Variants in ST6GALNAC3 observed in about 807,000 individuals in gnomAD.
ST6GALNAC3 encodes alpha-N-acetylgalactosaminide alpha-2,6-sialyltransferase 3.
A neutral mutation model predicts 32.7 loss-of-function variants in ST6GALNAC3; 25 were observed. That is an observed-to-expected ratio of 0.76 (90% CI 0.56 to 1.07). The LOEUF is 1.07. Ranked by LOEUF, ST6GALNAC3 falls within the 50% of genes least tolerant of loss-of-function variation. The pLI is 0.00. For synonymous variants in ST6GALNAC3, 129 were observed against 133.1 expected (o/e 0.97, Z 0.21); for missense variants, 355 against 382.4 (o/e 0.93, Z 0.60).
intron 2 of ST6GALNAC3, among the ~76,000 whole-genome samples, chr1:76,338,992 A>G (rs1424149986): frequency 6.6e-6 from 1 of 151,948 alleles, no homozygotes; most frequent in Non-Finnish European, 1.5e-5. Context: ...AACACTGTCA[A>G]TTGGTCGCCA....
chr1:76,428,939 T>G (rs1200920381), intron 3 of ST6GALNAC3, among the ~76,000 whole-genome samples: 1 of 152,140 alleles, frequency 6.6e-6, no homozygotes, highest in African/African-American at 2.4e-5. Context: ...AATGTAACCA[T>G]CAGTCCTATG....
chr1:76,573,987 A>C (rs1032794064), intron 3 of ST6GALNAC3, among the ~76,000 whole-genome samples: 6 of 152,182 alleles, frequency 3.9e-5, no homozygotes, highest in Non-Finnish European at 7.4e-5. Context: ...AAATTCAATA[A>C]ATATTCATTG....
At chr1:76,129,959 C>T (rs877017) in intron 1 of ST6GALNAC3, among the ~76,000 whole-genome samples, 1,581 of 152,192 alleles carry the variant, frequency 0.01, 30 homozygotes, top group African/African-American at 0.037. Context: ...GCATTCTTGG[C>T]TTCTGTGTCT....
In ST6GALNAC3 at chr1:76,634,054, CA is replaced by C. The variant is rs1274982150; in HGVS notation, c.*5249del. ...ATTTAGTTTTTTTCTTTTTTTTTTT[CA>C]GTTAACTACTTGTTTGTTTCTTTTC... On this transcript the variant is annotated 3_prime_UTR_variant, in exon 5 of 5. Transcript: ENST00000328299. 1 of 493,880 alleles carries C rather than the reference CA, an allele frequency of 2.0e-6. No individual in the cohort carries two copies. The highest frequency in any genetic ancestry group is 2.1e-5 in the African/African-American group (1 of 46,650). 30.6% of individuals were successfully genotyped at this position (493,880 alleles called of 1,614,324 possible). A position where few individuals can be genotyped will look rare whatever the true frequency, so the allele number is the denominator to read the frequency against.
chr1:76,077,674 C>T (rs187338161), intron 1 of ST6GALNAC3, among the ~76,000 whole-genome samples: 18 of 152,276 alleles, frequency 1.2e-4, no homozygotes, highest in African/African-American at 4.1e-4. Context: ...TTGGTGTTGA[C>T]TCTCCATCTT....
At position 76,391,115 on chromosome 1, in the gene ST6GALNAC3, T is replaced by C. The variant is rs539499445; in HGVS notation, c.214-20893T>C. On this transcript the variant is annotated intron_variant, in intron 2 of 4. Transcript: ENST00000328299. ...CCACCACGCAAGGCTAATGTTTTTG[T>C]ATTTTTAGTAGAGATGGAGTTTCAC... 4.9e-4 allele frequency among the ~76,000 whole-genome samples: 75 copies of C among 151,816 alleles called. 1 individual carries two copies. The highest frequency in any genetic ancestry group is 9.2e-4 in the Admixed American group (14 of 15,234).
At chr1:76,115,393 G>T (rs192425251) in intron 1 of ST6GALNAC3, among the ~76,000 whole-genome samples, 1 of 152,276 alleles carries the variant, frequency 6.6e-6, no homozygotes, top group African/African-American at 2.4e-5. Context: ...AGAAGGGAAA[G>T]AATTTAAATT....
intron 1 of ST6GALNAC3, among the ~76,000 whole-genome samples, chr1:76,102,413 T>G (rs1249006361): frequency 1.3e-5 from 2 of 152,074 alleles, no homozygotes; most frequent in African/African-American, 4.8e-5. Context: ...AATACACGGG[T>G]GGGTTGAAAT....
chr1:76,458,515 GA>G (rs959496678), intron 3 of ST6GALNAC3, among the ~76,000 whole-genome samples: 3 of 138,064 alleles, frequency 2.2e-5, no homozygotes, highest in African/African-American at 8.4e-5. Flanking sequence ...ACTGGATTAA[GA>G]AAATGTGGCA....
intron 1 of ST6GALNAC3, among the ~76,000 whole-genome samples, chr1:76,087,896 A>G (rs952042094): frequency 6.6e-6 from 1 of 152,258 alleles, no homozygotes; most frequent in African/African-American, 2.4e-5. Flanking sequence ...TATTTAATTC[A>G]TACACATGAT....
intron 3 of ST6GALNAC3, among the ~76,000 whole-genome samples, chr1:76,559,725 C>T (rs1337104042): frequency 2.6e-5 from 4 of 152,048 alleles, no homozygotes; most frequent in East Asian, 1.9e-4. Context: ...GTACACAGTA[C>T]GTGGTTTTAA....
chr1:76,159,024 G>C (rs895854996), intron 1 of ST6GALNAC3, among the ~76,000 whole-genome samples: 5 of 152,126 alleles, frequency 3.3e-5, no homozygotes, highest in African/African-American at 1.2e-4. Context: ...TGGTTTCCTG[G>C]GGGTGTGATG....
chr1:76,120,701 C>A (rs1648816152), intron 1 of ST6GALNAC3, among the ~76,000 whole-genome samples: 3 of 152,208 alleles, frequency 2.0e-5, no homozygotes, highest in Non-Finnish European at 4.4e-5. Context: ...TCCAGCACGA[C>A]CTAAACAGAG....
At chr1:76,132,468 A>G (rs376033910) in intron 1 of ST6GALNAC3, among the ~76,000 whole-genome samples, 9 of 151,948 alleles carry the variant, frequency 5.9e-5, no homozygotes, top group South Asian at 2.1e-4. Flanking sequence ...TTCATCTCTA[A>G]TTTAGGGGGT....
Position 76,630,729 on chromosome 1 carries a change from A to T in ST6GALNAC3, c.*1923A>T, listed in dbSNP as rs1649253690. ...CACCTCAATATTCACACCCATAAAC[A>T]TTACTAAGCCCCAGTTCTATCGTTG... On this transcript the variant is annotated 3_prime_UTR_variant, in exon 5 of 5. Transcript: ENST00000328299. The T allele has an allele frequency of 1.0e-6, 1 of 985,478 alleles. No homozygotes were observed. The highest frequency in any genetic ancestry group is 6.2e-5 in the Admixed American group (1 of 16,208). 61.0% of individuals were successfully genotyped at this position (985,478 alleles called of 1,614,324 possible).
chr1:76,534,006 A>G (rs555122885), intron 3 of ST6GALNAC3, among the ~76,000 whole-genome samples: 24 of 152,074 alleles, frequency 1.6e-4, no homozygotes, highest in African/African-American at 5.8e-4. Context: ...CATGTGTTAA[A>G]TTTCATCTGT....
At chr1:76,560,958 A>G (rs1333037081) in intron 3 of ST6GALNAC3, among the ~76,000 whole-genome samples, 2 of 152,224 alleles carry the variant, frequency 1.3e-5, no homozygotes, top group Non-Finnish European at 2.9e-5. Context: ...AGTGTCCATC[A>G]ATAGATGAAT....
At chr1:76,199,420 G>T (rs1285144383) in intron 1 of ST6GALNAC3, among the ~76,000 whole-genome samples, 1 of 152,136 alleles carries the variant, frequency 6.6e-6, no homozygotes. Context: ...CTGTGCTTCT[G>T]CTTTATAAAA....
intron 3 of ST6GALNAC3, among the ~76,000 whole-genome samples, chr1:76,547,840 C>A (rs975222159): frequency 7.1e-6 from 1 of 140,046 alleles, no homozygotes; most frequent in East Asian, 2.1e-4. Flanking sequence ...CCAGCCCCAG[C>A]GACAATGCGA....
Sources: allele counts gnomAD v4.1 joint callset (sites outside exome capture counted in the v4.1 genomes callset), GRCh38; gene constraint gnomAD v4.1.1; transcripts MANE v1.5; gene names NCBI Gene and HGNC (gene_info 2026-07-23, HGNC 2026-07-21).